FRMPD4: variants seen among roughly 807,000 people sequenced by gnomAD.
FRMPD4 encodes FERM and PDZ domain containing 4.
Under a neutral mutation model 94.1 loss-of-function variants are expected in FRMPD4, and 22 were observed. The ratio of observed to expected loss-of-function variants is 0.23; its 90% CI spans 0.17 to 0.33. FRMPD4 has a LOEUF of 0.33. FRMPD4 is among the 10% of genes least tolerant of loss of function. The pLI is 1.00. For missense variants in FRMPD4, 1,111 were observed against 1,339.9 expected, an observed-to-expected ratio of 0.83 and a Z score of 2.67; for synonymous variants, 631 against 548.6, an observed-to-expected ratio of 1.15 and a Z score of -2.10.
chrX:12,108,791 A>G (rs2055326124), intron 3 of FRMPD4, among the ~76,000 whole-genome samples: 1 of 112,064 alleles, frequency 8.9e-6, no homozygotes, highest in African/African-American at 3.2e-5. Context: ...CTGATAAAAC[A>G]GACTTTAAAC....
chrX:12,553,186 A>G (rs1370322161), intron 2 of FRMPD4, among the ~76,000 whole-genome samples: 1 of 108,375 alleles, frequency 9.2e-6, no homozygotes, highest in Non-Finnish European at 1.9e-5. Context: ...GAAAGAAAGA[A>G]AGAAAGAGAG....
At chrX:12,453,087 G>A (rs758127389) in intron 1 of FRMPD4, among the ~76,000 whole-genome samples, 2 of 112,487 alleles carry the variant, frequency 1.8e-5, no homozygotes, top group Non-Finnish European at 3.8e-5. Context: ...TTAGAGGCAA[G>A]TAGTATAGAA....
chrX:12,130,843 G>A (rs1369625879), intron 3 of FRMPD4, among the ~76,000 whole-genome samples: 1 of 111,730 alleles, frequency 9.0e-6, no homozygotes, highest in Non-Finnish European at 1.9e-5. Context: ...GATCTGAGAG[G>A]TTTAAAATGA....
At chrX:11,851,211 G>A (rs1022937215) in intron 1 of FRMPD4, among the ~76,000 whole-genome samples, 4 of 111,641 alleles carry the variant, frequency 3.6e-5, no homozygotes, top group Non-Finnish European at 7.5e-5. Flanking sequence ...TTTGTTGTAT[G>A]CTCATGGTCA....
intron 4 of FRMPD4, among the ~76,000 whole-genome samples, chrX:12,635,922 C>T (rs2059439506): frequency 8.9e-6 from 1 of 111,804 alleles, no homozygotes; most frequent in East Asian, 2.8e-4. Context: ...TGACCACACA[C>T]CATACTCCAC....
intron 1 of FRMPD4, among the ~76,000 whole-genome samples, chrX:11,861,726 G>T (rs2053688189): frequency 8.9e-6 from 1 of 112,044 alleles, no homozygotes. Context: ...GAGGTTCTAA[G>T]GTGAGAGAGG....
At chrX:12,052,468 C>A (rs1407653727) in intron 3 of FRMPD4, among the ~76,000 whole-genome samples, 3 of 111,555 alleles carry the variant, frequency 2.7e-5, no homozygotes, top group African/African-American at 9.8e-5. Context: ...TACAGTATTC[C>A]CACAAATAAA....
rs1339629403 is a variant in FRMPD4 at position 12,511,434 on chromosome X, CAA to C, written c.158+12640_158+12641del. Among the ~76,000 whole-genome samples, 3 of 110,174 alleles carry C rather than the reference CAA, an allele frequency of 2.7e-5. No individual in the cohort carries two copies. The East Asian group carries it at 8.5e-4, about 31-fold the overall frequency. On this transcript the variant is annotated intron_variant, in intron 2 of 16. Transcript: ENST00000675598. The stretch of plus-strand genomic sequence containing the variant: ...TGCATGAACAAAATAAGCATATCAA[CAA>C]AGAGACACAAACTATAAAGAAGAAC...
chrX:12,409,636 A>C (rs1220182610), intron 1 of FRMPD4, among the ~76,000 whole-genome samples: 2 of 112,571 alleles, frequency 1.8e-5, no homozygotes, highest in African/African-American at 3.2e-5. Context: ...AGAAGAAATG[A>C]AATTTGAGAA....
intron 1 of FRMPD4, among the ~76,000 whole-genome samples, chrX:12,170,985 C>G (rs184438371): frequency 1.5e-4 from 17 of 113,563 alleles, no homozygotes; most frequent in Non-Finnish European, 2.8e-4. Context: ...TGATAGCGCA[C>G]TGCGCTTAAG....
intron 1 of FRMPD4, among the ~76,000 whole-genome samples, chrX:12,301,667 A>G (rs976011472): frequency 2.7e-5 from 3 of 112,207 alleles, no homozygotes; most frequent in Non-Finnish European, 5.6e-5. Flanking sequence ...AAATAAAATC[A>G]TACATCCTAC....
intron 1 of FRMPD4, among the ~76,000 whole-genome samples, chrX:11,843,498 A>G (rs956773343): frequency 8.9e-6 from 1 of 111,804 alleles, no homozygotes; most frequent in African/African-American, 3.2e-5. Flanking sequence ...ATAAGAAAAA[A>G]TATTTATAGT....
intron 1 of FRMPD4, among the ~76,000 whole-genome samples, chrX:12,390,424 A>AAT (rs751233119): frequency 8.9e-6 from 1 of 112,271 alleles, no homozygotes; most frequent in Non-Finnish European, 1.9e-5. Flanking sequence ...CCTTTAACAA[A>AAT]ATATAAGATT....
chrX:12,701,210 C>G (rs1248271001), intron 9 of FRMPD4, among the ~76,000 whole-genome samples: 4 of 108,150 alleles, frequency 3.7e-5, no homozygotes, highest in African/African-American at 1.4e-4. Flanking sequence ...GTAGCTGGGA[C>G]TACAGGCACA....
At chrX:12,266,424 G>T (rs1282960850) in intron 1 of FRMPD4, among the ~76,000 whole-genome samples, 1 of 111,293 alleles carries the variant, frequency 9.0e-6, no homozygotes, top group Non-Finnish European at 1.9e-5. Flanking sequence ...GGACCAGTGG[G>T]TCAGTGTAGA....
chrX:12,382,926 A>G (rs2056346118), intron 1 of FRMPD4, among the ~76,000 whole-genome samples: 1 of 112,101 alleles, frequency 8.9e-6, no homozygotes, highest in Admixed American at 9.4e-5. Flanking sequence ...CATAATAGGG[A>G]CTCGGAAAAC....
chrX:12,042,763 C>T (rs1353364089), intron 3 of FRMPD4, among the ~76,000 whole-genome samples: 1 of 111,851 alleles, frequency 8.9e-6, no homozygotes, highest in East Asian at 2.8e-4. Flanking sequence ...GAACCATGTC[C>T]TTGTGAAATT....
At chrX:12,125,212 C>G (rs772912483) in intron 3 of FRMPD4, among the ~76,000 whole-genome samples, 13 of 111,996 alleles carry the variant, frequency 1.2e-4, no homozygotes, top group Non-Finnish European at 2.4e-4. Flanking sequence ...TCTGATGTAG[C>G]TTTCATTCAT....
chrX:11,848,442 T>C (rs1164666485), intron 1 of FRMPD4, among the ~76,000 whole-genome samples: 1 of 111,444 alleles, frequency 9.0e-6, no homozygotes, highest in Admixed American at 9.6e-5. Context: ...GTTTCTACTG[T>C]CTGCTGATAA....
Sources: allele counts gnomAD v4.1 joint callset (sites outside exome capture counted in the v4.1 genomes callset), GRCh38; gene constraint gnomAD v4.1.1; transcripts MANE v1.5; gene names NCBI Gene and HGNC (gene_info 2026-07-23, HGNC 2026-07-21).